ZNF521: variants seen among roughly 807,000 people sequenced by gnomAD.
ZNF521 encodes zinc finger protein 521, also known as LYST-interacting protein 3.
Under a neutral mutation model 105.5 loss-of-function variants are expected in ZNF521, and 14 were observed. That is an observed-to-expected ratio of 0.13 (90% CI 0.09 to 0.21). The LOEUF (loss-of-function observed/expected upper bound fraction) is 0.21, where lower values mean the gene tolerates loss of function less well. ZNF521 is among the 10% of genes least tolerant of loss of function. The pLI is 1.00. For missense variants in ZNF521, 1,233 were observed against 1,629.7 expected (o/e 0.76, Z 4.19); for synonymous variants, 635 against 606.0 (o/e 1.05, Z -0.70).
At chr18:25,285,154 T>A (rs1393130771) in intron 3 of ZNF521, among the ~76,000 whole-genome samples, 1 of 152,198 alleles carries the variant, frequency 6.6e-6, no homozygotes, top group African/African-American at 2.4e-5. Context: ...TATTCTCTTC[T>A]TCCTGGTGTG....
At chr18:25,129,281 AT>A (rs562110061) in intron 5 of ZNF521, among the ~76,000 whole-genome samples, 59,359 of 144,588 alleles carry the variant, frequency 0.41, 13,547 homozygotes, top group Non-Finnish European at 0.52. Context: ...TATTATTATT[AT>A]TAATTAATCT....
In ZNF521 at chr18:25,089,445, C is replaced by T. The variant is rs1023983560; in HGVS notation, c.3906+20G>A. 6.3e-7 allele frequency: 1 copy of T among 1,577,588 alleles called. No homozygotes were observed. Among genetic ancestry groups the T allele is most frequent in the African/African-American group, 1.3e-5 (1 of 74,148 alleles). Reference sequence around the variant, plus strand: ...AATAGCAACTGAGTTCAATCCCAGTCCTCCCCATGAGGACATTACCTGCAG... The same window carrying T: ...AATAGCAACTGAGTTCAATCCCAGTTCTCCCCATGAGGACATTACCTGCAG... On this transcript the variant is annotated intron_variant, in intron 7 of 7. Transcript: ENST00000361524.
Position 25,227,673 on chromosome 18 carries a change from G to T in ZNF521, c.245C>A (p.Pro82Gln). 1 of 1,613,072 alleles carries T rather than the reference G, an allele frequency of 6.2e-7. No homozygotes were observed. The highest frequency in any genetic ancestry group is 8.5e-7 in the Non-Finnish European group (1 of 1,179,482). The change falls in exon 4 of 8, where the codon CCG becomes CAG. Residue 82 changes from proline to glutamine, a missense_variant. Physicochemically the swap from Pro to Gln is moderately conservative, Grantham distance 76 (BLOSUM62 -1). Around this residue, in one of 6 missense-constraint regions of ZNF521, gnomAD observed 85 missense variants for 162.2 expected, o/e 0.52. Coordinates refer to ENST00000361524, the MANE Select transcript of ZNF521 (RefSeq NM_015461.3). The surrounding 1 kb of genome is among the most constrained non-coding windows in gnomAD (Gnocchi z 5.7). ...TGAGGAAGCTGGCCAAGAGCAAGTC[G>T]GATCATCTTCAACATCCACTCCATC... is the stretch of plus-strand genomic sequence containing the variant. ...LTDGVDVEDD[P>Q]TCSWPASSPS... is the part of the protein sequence containing the mutation.
At chr18:25,328,569 T>C (rs969589434) in intron 2 of ZNF521, among the ~76,000 whole-genome samples, 4 of 151,702 alleles carry the variant, frequency 2.6e-5, no homozygotes, top group African/African-American at 9.7e-5. Context: ...TTTTTTTTTT[T>C]TGAGACGGAG....
intron 5 of ZNF521, among the ~76,000 whole-genome samples, chr18:25,114,709 A>G (rs1450765665): frequency 6.6e-6 from 1 of 152,204 alleles, no homozygotes; most frequent in African/African-American, 2.4e-5. Context: ...TGTCAAGTGA[A>G]AATTACATCC....
chr18:25,065,490 T>A (rs1450114368), intron 7 of ZNF521, among the ~76,000 whole-genome samples: 2 of 152,156 alleles, frequency 1.3e-5, no homozygotes, highest in Non-Finnish European at 2.9e-5. Flanking sequence ...CCCCAAGACA[T>A]CTCATTATGT....
intron 2 of ZNF521, among the ~76,000 whole-genome samples, chr18:25,322,557 C>CAAAAAA (rs1199202508): frequency 8.0e-6 from 1 of 124,922 alleles, no homozygotes; most frequent in Non-Finnish European, 1.9e-5. Context: ...AAAAAAACCC[C>CAAAAAA]CCCACTGTGC....
chr18:25,073,199 T>C (rs2033269073), intron 7 of ZNF521, among the ~76,000 whole-genome samples: 1 of 152,188 alleles, frequency 6.6e-6, no homozygotes, highest in South Asian at 2.1e-4. Flanking sequence ...CTGCTAAATA[T>C]TTAACAGCCT....
chr18:25,298,882 A>G (rs138320839), intron 3 of ZNF521, among the ~76,000 whole-genome samples: 303 of 152,320 alleles, frequency 2.0e-3, no homozygotes, highest in African/African-American at 7.0e-3. Flanking sequence ...CACTTGATCA[A>G]GCAGGATCAC....
intron 5 of ZNF521, among the ~76,000 whole-genome samples, chr18:25,181,714 G>A (rs1567998005): frequency 6.6e-6 from 1 of 152,128 alleles, no homozygotes; most frequent in Non-Finnish European, 1.5e-5. Flanking sequence ...CGTCTTAGAT[G>A]TATGAGGAAT....
chr18:25,212,688 C>A (rs535971526), intron 4 of ZNF521, among the ~76,000 whole-genome samples: 38 of 150,216 alleles, frequency 2.5e-4, no homozygotes, highest in African/African-American at 8.0e-4. Context: ...CTTCCACGAA[C>A]AAGTTATATC....
chr18:25,321,920 T>A (rs930071996), intron 3 of ZNF521, 88 bp downstream of exon 3: 50 of 1,278,384 alleles, frequency 3.9e-5, no homozygotes, highest in Non-Finnish European at 4.9e-5. Context: ...ATAAAATAAT[T>A]TGAAGAGAAA....
chr18:25,125,755 A>T (rs563499842), intron 5 of ZNF521, among the ~76,000 whole-genome samples: 4 of 151,516 alleles, frequency 2.6e-5, no homozygotes, highest in Middle Eastern at 3.4e-3. Flanking sequence ...ATAAGCAGAA[A>T]GGTATGATTT....
chr18:25,272,002 G>T (rs1194782901), intron 3 of ZNF521, among the ~76,000 whole-genome samples: 1 of 152,070 alleles, frequency 6.6e-6, no homozygotes, highest in Non-Finnish European at 1.5e-5. Flanking sequence ...GAAAATATTT[G>T]CAATCTATCC....
chr18:25,274,732 T>C (rs1302285489), intron 3 of ZNF521, among the ~76,000 whole-genome samples: 1 of 152,198 alleles, frequency 6.6e-6, no homozygotes, highest in East Asian at 1.9e-4. Context: ...GTACAATTCT[T>C]GGGGCATTCT....
intron 5 of ZNF521, among the ~76,000 whole-genome samples, chr18:25,123,841 T>C (rs764988973): frequency 3.9e-5 from 6 of 152,226 alleles, no homozygotes; most frequent in African/African-American, 9.6e-5. Flanking sequence ...GTTTGGATGA[T>C]AGAGGATTTT....
intron 3 of ZNF521, among the ~76,000 whole-genome samples, chr18:25,249,147 CT>C (rs747508227): frequency 3.3e-3 from 480 of 143,688 alleles, no homozygotes; most frequent in Admixed American, 4.1e-3. Context: ...TCTTTACTTT[CT>C]TTTTTTTTTT....
chr18:25,283,926 C>T (rs531776397), intron 3 of ZNF521, among the ~76,000 whole-genome samples: 4 of 139,818 alleles, frequency 2.9e-5, no homozygotes, highest in Non-Finnish European at 6.3e-5. Context: ...ATACTTTCCC[C>T]CCCCCCCAAA....
intron 7 of ZNF521, among the ~76,000 whole-genome samples, chr18:25,083,152 A>T (rs1043120200): frequency 5.9e-5 from 9 of 152,196 alleles, no homozygotes; most frequent in South Asian, 2.1e-4. Context: ...AGGGGAGTGT[A>T]TTAGTTTGGA....
Sources: allele counts gnomAD v4.1 joint callset (sites outside exome capture counted in the v4.1 genomes callset), GRCh38; gene constraint gnomAD v4.1.1; regional missense constraint gnomAD v4.1.1; non-coding constraint Gnocchi (gnomAD v3.1); transcripts MANE v1.5; gene names NCBI Gene and HGNC (gene_info 2026-07-23, HGNC 2026-07-21).